The following MYT1L variants were observed in gnomAD, a reference collection of about 807,000 sequenced individuals.
The protein encoded by MYT1L is myelin transcription factor 1 like.
In MYT1L, 12 loss-of-function variants were observed where a neutral mutation model predicts 126.7. That is an observed-to-expected ratio of 0.09 (90% confidence interval 0.06 to 0.15). The LOEUF is 0.15. Ranked by LOEUF, MYT1L falls within the 10% of genes least tolerant of loss-of-function variation. The probability of loss-of-function intolerance (pLI) is 1.00; values close to 1 mark genes in which losing one functional copy is unlikely to be tolerated. For missense variants in MYT1L, 979 were observed against 1,585.2 expected (o/e 0.62, Z 6.49); for synonymous variants, 541 against 604.2 (o/e 0.90, Z 1.53).
chr2:2,118,481 A>G (rs887207931), intron 3 of MYT1L, among the ~76,000 whole-genome samples: 7 of 152,196 alleles, frequency 4.6e-5, no homozygotes, highest in Non-Finnish European at 8.8e-5. Flanking sequence ...GATTCCAGAA[A>G]TTCCCAGAGA....
At chr2:2,104,792 G>T (rs1480436227) in intron 3 of MYT1L, among the ~76,000 whole-genome samples, 19 of 152,172 alleles carry the variant, frequency 1.2e-4, no homozygotes, top group Admixed American at 1.2e-3. Flanking sequence ...GGTTCTGCAT[G>T]GTTGGGGGAG....
chr2:2,047,192 A>T (rs776195377), intron 4 of MYT1L, among the ~76,000 whole-genome samples: 2 of 152,178 alleles, frequency 1.3e-5, no homozygotes, highest in African/African-American at 2.4e-5. Flanking sequence ...AGCAAGATTT[A>T]TTCATTTCAT....
intron 18 of MYT1L, among the ~76,000 whole-genome samples, chr2:1,856,129 A>G (rs2043888439): frequency 6.6e-6 from 1 of 152,258 alleles, no homozygotes; most frequent in Non-Finnish European, 1.5e-5. Context: ...AACAAAAAGT[A>G]AAAGACAGGG....
chr2:1,866,825 GA>G (rs2045623144), intron 18 of MYT1L, among the ~76,000 whole-genome samples: 1 of 109,678 alleles, frequency 9.1e-6, no homozygotes, highest in African/African-American at 3.5e-5. Context: ...GAGAGAGAGG[GA>G]GGGGGAGAGA....
At chr2:2,040,011 G>C (rs764977838) in intron 4 of MYT1L, among the ~76,000 whole-genome samples, 3 of 152,138 alleles carry the variant, frequency 2.0e-5, no homozygotes, top group Admixed American at 2.0e-4. Context: ...TATGCGTGAG[G>C]GCCTGCGAAA....
intron 23 of MYT1L, among the ~76,000 whole-genome samples, chr2:1,792,985 T>C (rs1396748400): frequency 6.6e-6 from 1 of 151,944 alleles, no homozygotes; most frequent in East Asian, 1.9e-4. Context: ...GAGCTGAGAC[T>C]GTTTCCCTGC....
intron 2 of MYT1L, among the ~76,000 whole-genome samples, chr2:2,210,709 T>C (rs968330692): frequency 1.3e-4 from 20 of 152,284 alleles, no homozygotes; most frequent in Middle Eastern, 6.8e-3. Context: ...TAGGCTATTC[T>C]AGGTCTTTTG....
chr2:2,278,389 T>C (rs1014924370), intron 2 of MYT1L, among the ~76,000 whole-genome samples: 1 of 152,264 alleles, frequency 6.6e-6, no homozygotes, highest in Non-Finnish European at 1.5e-5. Flanking sequence ...GTCACTGTTA[T>C]GCAACTTTGC....
intron 18 of MYT1L, among the ~76,000 whole-genome samples, chr2:1,866,204 A>G (rs2148662469): frequency 6.6e-6 from 1 of 152,260 alleles, no homozygotes; most frequent in East Asian, 1.9e-4. Context: ...GGCCAAGGGG[A>G]TCTTTTTTAT....
intron 2 of MYT1L, among the ~76,000 whole-genome samples, chr2:2,277,982 C>G (rs1315583059): frequency 1.3e-5 from 2 of 152,180 alleles, no homozygotes; most frequent in Non-Finnish European, 2.9e-5. Context: ...TAAGTTATTT[C>G]TGCTTTTGGT....
chr2:2,101,369 C>T (rs2078054365), intron 3 of MYT1L, among the ~76,000 whole-genome samples: 1 of 152,036 alleles, frequency 6.6e-6, no homozygotes, highest in East Asian at 1.9e-4. Context: ...CCCTTTGGAA[C>T]CCCATTAAAA....
chr2:2,190,555 T>TAAAAA (rs777939174), intron 2 of MYT1L, among the ~76,000 whole-genome samples: 55 of 108,420 alleles, frequency 5.1e-4, no homozygotes, highest in South Asian at 1.6e-3. Context: ...CAAGACCTGT[T>TAAAAA]AAAAAAAAAA....
At chr2:2,005,544 A>G (rs1049385325) in intron 4 of MYT1L, among the ~76,000 whole-genome samples, 1 of 143,428 alleles carries the variant, frequency 7.0e-6, no homozygotes, top group South Asian at 2.3e-4. Flanking sequence ...TCTTTCCTGA[A>G]TATGTTCTTT....
At chr2:2,038,292 C>T (rs1275933455) in intron 4 of MYT1L, among the ~76,000 whole-genome samples, 1 of 152,174 alleles carries the variant, frequency 6.6e-6, no homozygotes, top group East Asian at 1.9e-4. Flanking sequence ...TTAAATCCAA[C>T]ATTATACAAT....
intron 18 of MYT1L, among the ~76,000 whole-genome samples, chr2:1,882,173 G>A (rs1447382239): frequency 6.6e-6 from 1 of 152,128 alleles, no homozygotes; most frequent in Non-Finnish European, 1.5e-5. Flanking sequence ...GCACAAGCGG[G>A]TACCACCACA....
In MYT1L at chr2:2,293,957, C is replaced by T. The variant is rs187391826; in HGVS notation, c.-520-9454G>A. On this transcript the variant is annotated intron_variant, in intron 1 of 24. Coordinates refer to ENST00000647738, the MANE Select transcript of MYT1L (RefSeq NM_001303052.2). ...GCATCAGCCATGGGAAGGCAACGGCCACCAGCACGGGGGGCAGGACAGGGC... is the reference window on the plus strand; with the variant it reads ...GCATCAGCCATGGGAAGGCAACGGCTACCAGCACGGGGGGCAGGACAGGGC... 2.1e-3 allele frequency among the ~76,000 whole-genome samples: 316 copies of T among 152,268 alleles called. 3 individuals are homozygous for T. Among genetic ancestry groups the T allele is most frequent in the African/African-American group, 7.2e-3 (301 of 41,572 alleles).
chr2:2,004,815 CATTCTTTCCTGCAT>C, intron 4 of MYT1L, among the ~76,000 whole-genome samples: 1 of 146,170 alleles, frequency 6.8e-6, no homozygotes, highest in Middle Eastern at 4.2e-3. Context: ...TTCCTGCAGG[CATTCTTTCCTGCAT>C]GTGTTCTTTC....
chr2:2,153,510 C>T (rs76360667), intron 3 of MYT1L, among the ~76,000 whole-genome samples: 2,353 of 151,696 alleles, frequency 0.016, 55 homozygotes, highest in African/African-American at 0.053. Flanking sequence ...CATGTGGGGG[C>T]GCAGGGGCTG....
chr2:1,821,396 A>G (rs2038504848), intron 21 of MYT1L, among the ~76,000 whole-genome samples: 2 of 152,020 alleles, frequency 1.3e-5, no homozygotes, highest in African/African-American at 4.8e-5. Flanking sequence ...TTTAACTTTC[A>G]AAGTAAACTT....
Sources: gnomAD v4.1 joint callset for allele counts (sites outside exome capture counted in the v4.1 genomes callset) on GRCh38, gnomAD v4.1.1 for gene constraint, MANE v1.5 for transcripts, NCBI Gene and HGNC (gene_info 2026-07-23, HGNC 2026-07-21) for gene names.